The following ATXN7L1 variants were observed in gnomAD, a reference collection of about 807,000 sequenced individuals.
The protein encoded by ATXN7L1 is ataxin 7 like 1.
A neutral mutation model predicts 70.8 loss-of-function variants in ATXN7L1; 15 were observed. The observed-to-expected ratio is 0.21, with a 90% confidence interval of 0.14 to 0.33. The LOEUF (loss-of-function observed/expected upper bound fraction) is 0.33, where lower values mean the gene tolerates loss of function less well. ATXN7L1 is among the 10% of genes least tolerant of loss of function. The pLI is 1.00. For missense variants in ATXN7L1, 975 were observed against 1,097.1 expected (o/e 0.89, Z 1.57); for synonymous variants, 440 against 445.1 (o/e 0.99, Z 0.14).
At chr7:105,730,684 A>G (rs1796432077) in intron 3 of ATXN7L1, among the ~76,000 whole-genome samples, 1 of 152,048 alleles carries the variant, frequency 6.6e-6, no homozygotes. Context: ...GTGAGCTGAG[A>G]TCACACCAGT....
intron 4 of ATXN7L1, among the ~76,000 whole-genome samples, chr7:105,661,796 A>C (rs916415242): frequency 2.6e-5 from 4 of 152,182 alleles, no homozygotes; most frequent in African/African-American, 9.7e-5. Flanking sequence ...GACAGTTAGG[A>C]GACCGCTGCA....
chr7:105,668,363 A>G (rs1802977514), intron 3 of ATXN7L1, among the ~76,000 whole-genome samples: 1 of 152,202 alleles, frequency 6.6e-6, no homozygotes, highest in South Asian at 2.1e-4. Flanking sequence ...CCTTCTGAGT[A>G]GCTGGGACTA....
intron 3 of ATXN7L1, among the ~76,000 whole-genome samples, chr7:105,767,267 G>T (rs1442800760): frequency 6.6e-6 from 1 of 152,182 alleles, no homozygotes; most frequent in East Asian, 1.9e-4. Flanking sequence ...GCTTTCCTGG[G>T]GGTAGAAGGG....
At chr7:105,854,517 G>A (rs212417) in intron 2 of ATXN7L1, among the ~76,000 whole-genome samples, 91,327 of 134,872 alleles carry the variant, frequency 0.68, 29,727 homozygotes, top group Admixed American at 0.73. Context: ...ACAAACCCCA[G>A]ACCCTTATAG....
intron 2 of ATXN7L1, among the ~76,000 whole-genome samples, chr7:105,808,250 C>T (rs995842743): frequency 3.9e-5 from 6 of 152,192 alleles, no homozygotes; most frequent in Admixed American, 3.3e-4. Flanking sequence ...TGTTTTTCCA[C>T]TGATGTGAAA....
intron 3 of ATXN7L1, among the ~76,000 whole-genome samples, chr7:105,714,544 A>G (rs181640550): frequency 5.0e-4 from 76 of 152,350 alleles, no homozygotes; most frequent in Non-Finnish European, 9.1e-4. Context: ...AGAAGTTTTG[A>G]GATCCTGTCC....
At chr7:105,714,581 C>T (rs893580394) in intron 3 of ATXN7L1, among the ~76,000 whole-genome samples, 3 of 152,150 alleles carry the variant, frequency 2.0e-5, no homozygotes, top group African/African-American at 4.8e-5. Context: ...GCCTGGGTCC[C>T]CTGAGGGACA....
intron 3 of ATXN7L1, among the ~76,000 whole-genome samples, chr7:105,781,398 A>C (rs902942697): frequency 3.9e-5 from 6 of 152,182 alleles, no homozygotes; most frequent in African/African-American, 1.2e-4. Flanking sequence ...AATTACTAAA[A>C]AGTAATAAAA....
intron 2 of ATXN7L1, among the ~76,000 whole-genome samples, chr7:105,791,503 T>C (rs1805235759): frequency 6.6e-6 from 1 of 152,198 alleles, no homozygotes; most frequent in South Asian, 2.1e-4. Context: ...GAGATGACCC[T>C]TCTTGGGCCT....
Position 105,782,613 on chromosome 7 carries a change from C to CG in ATXN7L1, c.355+5990dup, listed in dbSNP as rs1370096210. On this transcript the variant is annotated intron_variant, in intron 3 of 11. Transcript: ENST00000419735. Reference sequence around the variant, plus strand: ...CAGAAGGACTGTGGCCAGCCCTGGGCGGGGGGCTCCATGTCACCCCTGTAG... The same window carrying CG: ...CAGAAGGACTGTGGCCAGCCCTGGGCGGGGGGGCTCCATGTCACCCCTGTAG... Among the ~76,000 whole-genome samples the CG allele has an allele frequency of 2.6e-5, 4 of 152,272 alleles. No homozygotes were observed. In the East Asian group the frequency reaches 7.7e-4, roughly 29 times the overall value.
intron 2 of ATXN7L1, among the ~76,000 whole-genome samples, chr7:105,812,935 A>G (rs1373230721): frequency 6.6e-6 from 1 of 152,128 alleles, no homozygotes; most frequent in East Asian, 1.9e-4. Context: ...CTGGGAGGTC[A>G]AGGCTGCAGT....
At chr7:105,861,530 C>A (rs1378765849) in intron 2 of ATXN7L1, among the ~76,000 whole-genome samples, 1 of 151,870 alleles carries the variant, frequency 6.6e-6, no homozygotes, top group Non-Finnish European at 1.5e-5. Context: ...ACAGGCTCGG[C>A]TTGCTCTTGG....
chr7:105,618,354 G>A (rs1202213958), intron 9 of ATXN7L1, among the ~76,000 whole-genome samples: 1 of 152,150 alleles, frequency 6.6e-6, no homozygotes, highest in Non-Finnish European at 1.5e-5. Flanking sequence ...AATATCAAGG[G>A]TGCCCTTTAC....
chr7:105,726,326 G>A (rs1795813728), intron 3 of ATXN7L1, among the ~76,000 whole-genome samples: 1 of 152,140 alleles, frequency 6.6e-6, no homozygotes. Flanking sequence ...GCATACCTCT[G>A]GCCTGTGGCA....
intron 4 of ATXN7L1, among the ~76,000 whole-genome samples, chr7:105,658,696 A>AT (rs879862467): frequency 4.3e-4 from 64 of 150,156 alleles, no homozygotes; most frequent in Admixed American, 6.0e-4. Flanking sequence ...ATGCCTGGTT[A>AT]TTTTTTTTTG....
chr7:105,817,723 C>T (rs961662049), intron 2 of ATXN7L1, among the ~76,000 whole-genome samples: 3 of 152,262 alleles, frequency 2.0e-5, no homozygotes, highest in Middle Eastern at 6.8e-3. Flanking sequence ...TCGAGATCAG[C>T]CTGTGCAACA....
intron 3 of ATXN7L1, among the ~76,000 whole-genome samples, chr7:105,773,191 G>C (rs565055985): frequency 1.3e-5 from 2 of 152,154 alleles, no homozygotes; most frequent in African/African-American, 4.8e-5. Context: ...GGTATCACAA[G>C]AAGCAGGAAA....
intron 2 of ATXN7L1, among the ~76,000 whole-genome samples, chr7:105,858,150 G>C (rs1385015381): frequency 6.6e-6 from 1 of 152,134 alleles, no homozygotes; most frequent in Non-Finnish European, 1.5e-5. Flanking sequence ...AGCATCGCTT[G>C]AATCAAGGAG....
intron 2 of ATXN7L1, among the ~76,000 whole-genome samples, chr7:105,796,539 G>C (rs722309): frequency 0.078 from 11,899 of 152,064 alleles, 624 homozygotes; most frequent in Non-Finnish European, 0.11. Flanking sequence ...CAGTGGTTTT[G>C]ATCTGTGGGC....
Sources: allele counts gnomAD v4.1 joint callset (sites outside exome capture counted in the v4.1 genomes callset), GRCh38; gene constraint gnomAD v4.1.1; transcripts MANE v1.5; gene names NCBI Gene and HGNC (gene_info 2026-07-23, HGNC 2026-07-21).